The following DLGAP5 variants were observed in gnomAD, a reference collection of about 807,000 sequenced individuals.
The protein encoded by DLGAP5 is disks large-associated protein 5.
Under a neutral mutation model 99.6 loss-of-function variants are expected in DLGAP5, and 90 were observed. The observed-to-expected ratio is 0.90, with a 90% confidence interval of 0.76 to 1.08. The LOEUF is 1.08. DLGAP5 is among the 50% of genes least tolerant of loss of function. The probability of loss-of-function intolerance (pLI) is 0.00; values close to 1 mark genes in which losing one functional copy is unlikely to be tolerated. For missense variants in DLGAP5, 1,036 were observed against 983.5 expected (o/e 1.05, Z -0.71); for synonymous variants, 311 against 321.3 (o/e 0.97, Z 0.34).
At chr14:55,150,583 T>C (rs908513963) in intron 18 of DLGAP5, 14 of 318,584 alleles carry the variant, frequency 4.4e-5, no homozygotes, top group African/African-American at 2.9e-4. Context: ...AGAAAAACCA[T>C]ATAGAAAAAC....
At position 55,151,731 on chromosome 14, in the gene DLGAP5, T is replaced by C. The variant is rs763294118; in HGVS notation, c.2332A>G (p.Ile778Val). Residue 778 changes from isoleucine to valine, a missense_variant, in exon 17 of 19, where the codon ATC becomes GTC. Coordinates refer to ENST00000247191, the MANE Select transcript of DLGAP5 (RefSeq NM_014750.5). ...PEKNTASQNS[I>V]LEEGETKISQ... is the part of the protein sequence containing the mutation. ...ATTTTAGTTTCCCCTTCTTCTAAGA[T>C]GCTATTTTGTGAAGCTGTATTTTTT... is the stretch of plus-strand genomic sequence containing the variant. 3 of 1,613,762 alleles carry C rather than the reference T, an allele frequency of 1.9e-6. No individual in the cohort carries two copies. The highest frequency in any genetic ancestry group is 2.2e-5 in the East Asian group (1 of 44,832).
chr14:55,159,444 T>C (rs1882335035), intron 13 of DLGAP5, among the ~76,000 whole-genome samples: 1 of 152,168 alleles, frequency 6.6e-6, no homozygotes, highest in African/African-American at 2.4e-5. Context: ...ATGAAAAAAG[T>C]GGACAGATTC....
In DLGAP5 at chr14:55,180,785, G is replaced by GA. The variant is rs36046494; in HGVS notation, c.581-8dup. 147 of 1,591,178 alleles carry GA rather than the reference G, an allele frequency of 9.2e-5. No individual in the cohort carries two copies. The highest frequency in any genetic ancestry group is 2.0e-4 in the East Asian group (9 of 44,308). On this transcript the variant is annotated splice_region_variant and splice_polypyrimidine_tract_variant and intron_variant, in intron 5 of 18. Transcript: ENST00000247191. ...GGCATTACAGGCTGCACAACTGTGGGAAAAAAAAATAACTACATCAAATGT... is the reference window on the plus strand; with the variant it reads ...GGCATTACAGGCTGCACAACTGTGGGAAAAAAAAAATAACTACATCAAATGT...
In DLGAP5 at chr14:55,172,290, C is replaced by A. The variant is rs376522635; in HGVS notation, c.1302-1503G>T. 8.1e-5 allele frequency among the ~76,000 whole-genome samples: 12 copies of A among 148,248 alleles called. No individual in the cohort carries two copies. The East Asian group carries it at 2.4e-3, about 29-fold the overall frequency. ...ATCACTTGAGCCTAGGAGTTCCAGACCAGCCTGGGAAACATGGCGAAAACC... is the reference window on the plus strand; with the variant it reads ...ATCACTTGAGCCTAGGAGTTCCAGAACAGCCTGGGAAACATGGCGAAAACC... On this transcript the variant is annotated intron_variant, in intron 10 of 18. Transcript: ENST00000247191.
chr14:55,179,871 C>T (rs1883219413), intron 6 of DLGAP5, among the ~76,000 whole-genome samples, 172 bp from the exon 7 acceptor site: 1 of 152,128 alleles, frequency 6.6e-6, no homozygotes, highest in Admixed American at 6.5e-5. Context: ...TACAAACCAT[C>T]TCTTTTCAAA....
chr14:55,154,036 A>G (rs1171719105), intron 15 of DLGAP5, among the ~76,000 whole-genome samples: 1 of 152,212 alleles, frequency 6.6e-6, no homozygotes, highest in African/African-American at 2.4e-5. Context: ...AGCCTAGGCA[A>G]CAGAGTGAGA....
intron 13 of DLGAP5, among the ~76,000 whole-genome samples, chr14:55,159,435 T>C (rs1882334873): frequency 6.6e-6 from 1 of 152,050 alleles, no homozygotes; most frequent in African/African-American, 2.4e-5. Flanking sequence ...GAGTAAGAGA[T>C]GAAAAAAGTG....
intron 12 of DLGAP5, among the ~76,000 whole-genome samples, chr14:55,167,923 G>A (rs1345120892): frequency 6.6e-6 from 1 of 152,150 alleles, no homozygotes; most frequent in Non-Finnish European, 1.5e-5. Flanking sequence ...AATTATGTAA[G>A]TTGCTGTGGG....
chr14:55,166,895 A>G (rs927474110), intron 12 of DLGAP5, among the ~76,000 whole-genome samples: 3 of 149,606 alleles, frequency 2.0e-5, no homozygotes, highest in African/African-American at 7.4e-5. Context: ...AAAAAAAAAA[A>G]GTGCCCCAAT....
At chr14:55,189,262 A>G in intron 1 of DLGAP5, 82 bp from the exon 2 acceptor site, 1 of 973,898 alleles carries the variant, frequency 1.0e-6, no homozygotes, top group South Asian at 1.5e-5. Context: ...TTCCTGTCCC[A>G]CTTCAGGGCC....
At chr14:55,189,261 C>A in intron 1 of DLGAP5, 81 bp from the exon 2 acceptor site, 1 of 971,488 alleles carries the variant, frequency 1.0e-6, no homozygotes, top group East Asian at 2.5e-5. Context: ...TTTCCTGTCC[C>A]ACTTCAGGGC....
intron 9 of DLGAP5, 50 bp from the exon 10 acceptor site, chr14:55,175,522 A>G (rs1444701319): frequency 9.5e-7 from 1 of 1,055,158 alleles, no homozygotes; most frequent in African/African-American, 1.7e-5. Flanking sequence ...AACAATTCCT[A>G]AAATGACAGC....
chr14:55,155,273 C>T lies in DLGAP5; in HGVS notation c.1874-467G>A, dbSNP rs550455003. ...CTCCTGACCTCAGGTGATCCACCTGCCTCAGATTCCCAAAGTGCTGGGATT... is the reference window on the plus strand; with the variant it reads ...CTCCTGACCTCAGGTGATCCACCTGTCTCAGATTCCCAAAGTGCTGGGATT... On this transcript the variant is annotated intron_variant, in intron 14 of 18. Transcript: ENST00000247191. Among the ~76,000 whole-genome samples, 6 of 151,250 alleles carry T rather than the reference C, an allele frequency of 4.0e-5. No individual in the cohort carries two copies. In the South Asian group the frequency reaches 1.3e-3, roughly 32 times the overall value.
At chr14:55,161,640 C>A (rs947004967) in intron 13 of DLGAP5, among the ~76,000 whole-genome samples, 1 of 151,144 alleles carries the variant, frequency 6.6e-6, no homozygotes, top group Non-Finnish European at 1.5e-5. Context: ...GAACTCCCGA[C>A]CTCAGGTGAT....
chr14:55,167,924 T>G (rs1882701779), intron 12 of DLGAP5, among the ~76,000 whole-genome samples: 1 of 152,216 alleles, frequency 6.6e-6, no homozygotes, highest in African/African-American at 2.4e-5. Context: ...ATTATGTAAG[T>G]TGCTGTGGGT....
At chr14:55,155,427 A>C (rs1406568774) in intron 14 of DLGAP5, among the ~76,000 whole-genome samples, 5 of 149,562 alleles carry the variant, frequency 3.3e-5, no homozygotes, top group African/African-American at 1.2e-4. Flanking sequence ...GCTCACTGCA[A>C]CCTCCGCCTC....
intron 3 of DLGAP5, among the ~76,000 whole-genome samples, chr14:55,182,735 A>T (rs1360789306): frequency 6.6e-6 from 1 of 152,148 alleles, no homozygotes. Flanking sequence ...ACCAGTCCTC[A>T]GCCTGGTACC....
intron 12 of DLGAP5, among the ~76,000 whole-genome samples, chr14:55,167,669 G>C (rs1463181538): frequency 4.6e-5 from 7 of 152,292 alleles, no homozygotes; most frequent in South Asian, 4.1e-4. Flanking sequence ...CATGGAAGGA[G>C]GTGAACTTTG....
chr14:55,166,941 GGGAAA>G (rs1882664840), intron 12 of DLGAP5, among the ~76,000 whole-genome samples: 2 of 151,222 alleles, frequency 1.3e-5, no homozygotes, highest in Non-Finnish European at 1.5e-5. Context: ...AGCCAAAGCT[GGGAAA>G]TGAGCATCAG....
Sources: allele counts gnomAD v4.1 joint callset (sites outside exome capture counted in the v4.1 genomes callset), GRCh38; gene constraint gnomAD v4.1.1; transcripts MANE v1.5; gene names NCBI Gene and HGNC (gene_info 2026-07-23, HGNC 2026-07-21).